Variants in NUP98 observed in about 807,000 individuals in gnomAD.
NUP98 encodes the protein nuclear pore complex protein Nup98-Nup96.
NUP98 carries 26 observed loss-of-function variants against 191.9 expected under a neutral mutation model. That is an observed-to-expected ratio of 0.14 (90% CI 0.10 to 0.19). The LOEUF (loss-of-function observed/expected upper bound fraction) is 0.19. Among genes scored for constraint, NUP98 ranks in the 10% least tolerant of loss-of-function variants. The pLI, the probability that NUP98 is intolerant of heterozygous loss-of-function variation, is 1.00. For synonymous variants in NUP98, 808 were observed against 778.4 expected (o/e 1.04, Z -0.63); for missense variants, 1,941 against 2,178.8 (o/e 0.89, Z 2.17).
rs532996300 is a variant in NUP98, at chr11:3,779,255, T to C, written c.79A>G (p.Thr27Ala). ...FGTTSTFGQN[T>A]GFGTTSGGAF... ...CCTCCACTAGTAGTGCCAAAGCCAG[T>C]ATCTGAAAAAGCAAAATCCAGAGTA... is the stretch of plus-strand genomic sequence containing the variant. The change falls in exon 3 of 33, where the codon ACT becomes GCT. Residue 27 changes from threonine to alanine, a missense_variant and splice_region_variant. By Grantham distance (58) the Thr-to-Ala change is moderately conservative (BLOSUM62 0). Around this residue, in one of 6 missense-constraint regions of NUP98, gnomAD observed 154 missense variants for 182.9 expected, o/e 0.84. Coordinates refer to ENST00000324932, the MANE Select transcript of NUP98 (RefSeq NM_016320.5). 6.4e-5 allele frequency: 103 copies of C among 1,613,370 alleles called. 2 individuals are homozygous for C. The South Asian group carries it at 1.1e-3, about 17-fold the overall frequency.
At chr11:3,700,423 AAGTGACAAGAACAT>A (rs2078641845) in intron 24 of NUP98, among the ~76,000 whole-genome samples, 173 bp downstream of exon 24, 1 of 152,228 alleles carries the variant, frequency 6.6e-6, no homozygotes, top group South Asian at 2.1e-4. Context: ...TAAAAGAACA[AAGTGACAAGAACAT>A]AGTGACAATT....
At chr11:3,726,322 A>C (rs2079615083) in intron 14 of NUP98, among the ~76,000 whole-genome samples, 1 of 151,828 alleles carries the variant, frequency 6.6e-6, no homozygotes, top group African/African-American at 2.4e-5. Context: ...GATAATAATT[A>C]AATATTAATA....
At chr11:3,712,060 A>C (rs1031200514) in intron 20 of NUP98, 4 of 1,049,312 alleles carry the variant, frequency 3.8e-6, no homozygotes, top group Middle Eastern at 4.3e-4. Flanking sequence ...ACTATTTTTC[A>C]TAAAGATTAT....
intron 1 of NUP98, among the ~76,000 whole-genome samples, chr11:3,796,462 C>G (rs1396245663): frequency 1.3e-5 from 2 of 152,218 alleles, no homozygotes; most frequent in African/African-American, 2.4e-5. Flanking sequence ...ACAACGCTGA[C>G]GTTCTTTAAC....
At chr11:3,683,817 C>A (rs1464761467) in intron 29 of NUP98, among the ~76,000 whole-genome samples, 2 of 152,018 alleles carry the variant, frequency 1.3e-5, no homozygotes, top group Non-Finnish European at 2.9e-5. Flanking sequence ...GGATTACAGG[C>A]GTGAGCCACC....
Position 3,686,053 on chromosome 11 carries a change from C to T in NUP98, c.4596G>A (p.Gln1532=). ...TTTCAAGCTGGCCAGCGTAACTGGCCTGTAGCACACCTTCACACTGCGCTG... is the reference window on the plus strand; with the variant it reads ...TTTCAAGCTGGCCAGCGTAACTGGCTTGTAGCACACCTTCACACTGCGCTG... ...HLSAQCEGVL[Q]ASYAGQLESE... is the part of the protein sequence containing the mutation. Residue 1532 remains glutamine, a synonymous_variant, in exon 29 of 33, where the codon CAG becomes CAA. Transcript: ENST00000324932. The T allele has an allele frequency of 6.2e-7, 1 of 1,614,206 alleles. No homozygotes were observed. The highest frequency in any genetic ancestry group is 2.2e-5 in the East Asian group (1 of 44,890).
In NUP98 at chr11:3,749,550, A is replaced by G. The variant is rs184764698; in HGVS notation, c.1267+3766T>C. On this transcript the variant is annotated intron_variant, in intron 11 of 32. Coordinates refer to ENST00000324932, the MANE Select transcript of NUP98 (RefSeq NM_016320.5). ...TGAGGCAGGAGAATCACTTGAACCCAGGAGGCGGAGGTTGCCATGAGCTGA... is the reference window on the plus strand; with the variant it reads ...TGAGGCAGGAGAATCACTTGAACCCGGGAGGCGGAGGTTGCCATGAGCTGA... Among the ~76,000 whole-genome samples, 163 of 152,246 alleles carry G rather than the reference A, an allele frequency of 1.1e-3. 2 individuals carry two copies. The highest frequency in any genetic ancestry group is 3.8e-3 in the African/African-American group (159 of 41,554).
intron 8 of NUP98, among the ~76,000 whole-genome samples, chr11:3,766,642 T>C (rs921106679): frequency 8.7e-4 from 125 of 142,890 alleles, no homozygotes; most frequent in African/African-American, 3.2e-3. Context: ...TGAGCTGAGA[T>C]CGTGCCATTA....
intron 12 of NUP98, among the ~76,000 whole-genome samples, chr11:3,743,403 T>C (rs924494088): frequency 1.4e-5 from 2 of 147,930 alleles, no homozygotes; most frequent in Non-Finnish European, 3.0e-5. Flanking sequence ...TCCCAGCACT[T>C]TGGGAGGCCG....
chr11:3,735,197 C>A lies in NUP98; in HGVS notation c.1536G>T (p.Lys512Asn). Residue 512 changes from lysine to asparagine, a missense_variant, in exon 13 of 33, where the codon AAG becomes AAT. Physicochemically the swap from Lys to Asn is moderately conservative, Grantham distance 94. This residue lies in a region of NUP98 where 453 missense variants were observed against 438.2 expected (regional missense o/e 1.03). Coordinates refer to ENST00000324932, the MANE Select transcript of NUP98 (RefSeq NM_016320.5). ...GAAGTATCCTTAAATTTACCTCTTC[C>A]TTCTTCTTAGGGTCTGACATCGGAT... ...FRNPMSDPKK[K>N]EERLKPTNPA... 3.2e-6 allele frequency: 5 copies of A among 1,580,928 alleles called. No homozygotes were observed. Among genetic ancestry groups the A allele is most frequent in the Non-Finnish European group, 4.3e-6 (5 of 1,162,510 alleles).
At chr11:3,693,120 C>T (rs1193941712) in intron 27 of NUP98, 112 bp downstream of exon 27, 25 of 1,040,462 alleles carry the variant, frequency 2.4e-5, no homozygotes, top group Middle Eastern at 5.3e-4. Context: ...GTAGCCTTGT[C>T]CAGAGGAAGG....
At chr11:3,795,055 T>A (rs1237932040) in intron 1 of NUP98, among the ~76,000 whole-genome samples, 1 of 152,186 alleles carries the variant, frequency 6.6e-6, no homozygotes, top group East Asian at 1.9e-4. Context: ...ATAAATCATA[T>A]TACAAGAAAA....
intron 23 of NUP98, among the ~76,000 whole-genome samples, 132 bp downstream of exon 23, chr11:3,702,303 ACACACACACACTCTCTCTCTCTCTCTCT>A (rs1430284860): frequency 1.7e-5 from 1 of 58,824 alleles, no homozygotes; most frequent in African/African-American, 6.3e-5. Context: ...ACACACACAC[ACACACACACACTCTCTCTCTCTCTCTCT>A]CTCTCTCTCT....
chr11:3,780,771 A>G (rs1461640896), intron 2 of NUP98, among the ~76,000 whole-genome samples: 1 of 151,648 alleles, frequency 6.6e-6, no homozygotes, highest in Non-Finnish European at 1.5e-5. Context: ...TCTCACCTCT[A>G]CAAAAAATTT....
chr11:3,736,501 CA>C (rs1384427704), intron 12 of NUP98, among the ~76,000 whole-genome samples: 1 of 152,130 alleles, frequency 6.6e-6, no homozygotes, highest in East Asian at 1.9e-4. Flanking sequence ...ACTAAAAATA[CA>C]AAAAATTAGC....
At chr11:3,738,107 A>AAAAAAAAAAAAAAAAACAAAAAAAAACC (rs1554894745) in intron 12 of NUP98, among the ~76,000 whole-genome samples, 5 of 147,566 alleles carry the variant, frequency 3.4e-5, no homozygotes, top group Non-Finnish European at 7.5e-5. Flanking sequence ...AAAAAAAAAA[A>AAAAAAAAAAAAAAAAACAAAAAAAAACC]CCAAAGACTT....
chr11:3,759,799 C>T lies in NUP98; in HGVS notation c.1174+740G>A, dbSNP rs116239139. 4.0e-3 allele frequency among the ~76,000 whole-genome samples: 611 copies of T among 152,084 alleles called. 2 individuals carry two copies. The highest frequency in any genetic ancestry group is 0.014 in the African/African-American group (574 of 41,510). On this transcript the variant is annotated intron_variant, in intron 10 of 32. Transcript: ENST00000324932. ...AAAAATAAACTACTGAATAATCCCC[C>T]AAATCAGAAAGGTTTCAACTTTCTT... is the stretch of plus-strand genomic sequence containing the variant.
chr11:3,752,550 A>AAAT (rs2080802753), intron 11 of NUP98, among the ~76,000 whole-genome samples: 2 of 141,002 alleles, frequency 1.4e-5, no homozygotes, highest in Admixed American at 7.0e-5. Flanking sequence ...AATAAATAAA[A>AAAT]AAGAAGGAAA....
At chr11:3,790,242 T>G (rs1482976786) in intron 1 of NUP98, among the ~76,000 whole-genome samples, 3 of 152,164 alleles carry the variant, frequency 2.0e-5, no homozygotes, top group African/African-American at 7.2e-5. Context: ...GCTCAATTCT[T>G]TTCCCCTTGA....
Sources: gnomAD v4.1 joint callset for allele counts (sites outside exome capture counted in the v4.1 genomes callset) on GRCh38, gnomAD v4.1.1 for gene constraint, gnomAD v4.1.1 regional missense constraint, MANE v1.5 for transcripts, NCBI Gene and HGNC (gene_info 2026-07-23, HGNC 2026-07-21) for gene names.